Variants in DIAPH3 observed in about 807,000 individuals in gnomAD.
The protein encoded by DIAPH3 is diaphanous related formin 3.
Under a neutral mutation model 144.3 loss-of-function variants are expected in DIAPH3, and 117 were observed. The observed-to-expected ratio is 0.81, with a 90% CI of 0.70 to 0.95. The LOEUF is 0.95. DIAPH3 is among the 40% of genes least tolerant of loss of function. DIAPH3 has a pLI of 0.00. For synonymous variants in DIAPH3, 519 were observed against 488.9 expected (o/e 1.06, Z -0.81); for missense variants, 1,421 against 1,412.7 (o/e 1.01, Z -0.09).
At chr13:59,878,212 G>T (rs1442740066) in intron 21 of DIAPH3, among the ~76,000 whole-genome samples, 1 of 152,128 alleles carries the variant, frequency 6.6e-6, no homozygotes, top group Non-Finnish European at 1.5e-5. Context: ...TTTAGGAATT[G>T]CATCGCCCAT....
intron 27 of DIAPH3, among the ~76,000 whole-genome samples, chr13:59,703,424 A>T (rs1242890468): frequency 1.3e-5 from 2 of 152,222 alleles, no homozygotes; most frequent in Non-Finnish European, 2.9e-5. Flanking sequence ...CATGTCCATT[A>T]TACTTTTTTC....
At chr13:59,916,343 T>A (rs144173997) in intron 18 of DIAPH3, 94 bp from the exon 19 acceptor site, 7 of 965,016 alleles carry the variant, frequency 7.3e-6, no homozygotes, top group Middle Eastern at 4.9e-4. Context: ...AATAAATTCA[T>A]AAAACAAGAG....
At chr13:59,800,427 G>A (rs372831140) in intron 25 of DIAPH3, among the ~76,000 whole-genome samples, 2 of 152,148 alleles carry the variant, frequency 1.3e-5, no homozygotes, top group Non-Finnish European at 2.9e-5. Context: ...CACTCCTTCC[G>A]AAGATTTCCC....
intron 22 of DIAPH3, 68 bp downstream of exon 22, chr13:59,861,339 A>C: frequency 1.2e-6 from 2 of 1,611,296 alleles, no homozygotes; most frequent in Non-Finnish European, 1.7e-6. Flanking sequence ...TACAAATAAA[A>C]GGTATAATTT....
intron 2 of DIAPH3, among the ~76,000 whole-genome samples, chr13:60,122,303 C>T (rs1178284273): frequency 1.3e-5 from 2 of 152,152 alleles, no homozygotes; most frequent in African/African-American, 2.4e-5. Context: ...CTAATTTCAA[C>T]TCAATCTTCA....
chr13:60,084,019 TAGA>T (rs1566751884), intron 4 of DIAPH3, among the ~76,000 whole-genome samples: 5 of 148,090 alleles, frequency 3.4e-5, no homozygotes, highest in Non-Finnish European at 7.5e-5. Flanking sequence ...GATAGATAGA[TAGA>T]TAGATAGATA....
At chr13:59,828,751 C>A (rs1405078441) in intron 24 of DIAPH3, among the ~76,000 whole-genome samples, 1 of 151,522 alleles carries the variant, frequency 6.6e-6, no homozygotes, top group Non-Finnish European at 1.5e-5. Flanking sequence ...TTCTGTTGAT[C>A]ATGGTAACAA....
intron 5 of DIAPH3, 75 bp from the exon 6 acceptor site, chr13:60,016,220 AT>A: frequency 3.1e-6 from 4 of 1,293,876 alleles, no homozygotes; most frequent in Non-Finnish European, 3.3e-6. Context: ...ACCTACAAGT[AT>A]TTTATATTTG....
chr13:59,701,526 A>C (rs191167853), intron 27 of DIAPH3, among the ~76,000 whole-genome samples: 5 of 152,218 alleles, frequency 3.3e-5, no homozygotes, highest in African/African-American at 7.2e-5. Flanking sequence ...AGCACGTCAT[A>C]TAGGTCAGAG....
At chr13:59,738,158 AT>A (rs1390993829) in intron 27 of DIAPH3, among the ~76,000 whole-genome samples, 7 of 152,034 alleles carry the variant, frequency 4.6e-5, no homozygotes, top group Non-Finnish European at 1.0e-4. Flanking sequence ...CAGAGAGAGA[AT>A]CCATCTCAAA....
rs193198941 is a variant in DIAPH3, at chr13:59,666,862, A to G, written c.3320-16T>C. 3.2e-4 allele frequency: 510 copies of G among 1,614,078 alleles called. 4 individuals are homozygous for G. The East Asian group carries it at 5.6e-3, about 18-fold the overall frequency. On this transcript the variant is annotated splice_polypyrimidine_tract_variant and intron_variant, in intron 27 of 27. Transcript: ENST00000400324. ...TTCTGATTTTCTACAGTAAGGAAAA[A>G]AGAAACATAAAACTTATCACCATGA...
At chr13:59,750,079 T>G (rs1027200126) in intron 27 of DIAPH3, among the ~76,000 whole-genome samples, 3 of 152,166 alleles carry the variant, frequency 2.0e-5, no homozygotes, top group Middle Eastern at 6.8e-3. Context: ...ATTACTGATT[T>G]TGACTCTCTC....
intron 27 of DIAPH3, among the ~76,000 whole-genome samples, chr13:59,678,662 C>G (rs996988503): frequency 6.6e-6 from 1 of 152,090 alleles, no homozygotes; most frequent in Non-Finnish European, 1.5e-5. Context: ...AACATCTGTT[C>G]GTTTAAATTC....
chr13:59,945,975 G>T (rs1478770782), intron 17 of DIAPH3, among the ~76,000 whole-genome samples: 2 of 152,180 alleles, frequency 1.3e-5, no homozygotes, highest in Non-Finnish European at 2.9e-5. Flanking sequence ...ATTACTGAAA[G>T]CTTATACATT....
intron 27 of DIAPH3, among the ~76,000 whole-genome samples, chr13:59,672,057 GTATATATATGTGAATA>G (rs1320487448): frequency 6.6e-6 from 1 of 152,160 alleles, no homozygotes; most frequent in African/African-American, 2.4e-5. Context: ...AAAGAATTAT[GTATATATATGTGAATA>G]TATGCAACTT....
intron 1 of DIAPH3, among the ~76,000 whole-genome samples, chr13:60,145,575 A>T (rs1951472120): frequency 6.6e-6 from 1 of 152,190 alleles, no homozygotes; most frequent in African/African-American, 2.4e-5. Flanking sequence ...ACGTGAACTC[A>T]GAGGCGGAGC....
At chr13:59,801,965 C>T (rs915045801) in intron 25 of DIAPH3, among the ~76,000 whole-genome samples, 1 of 151,202 alleles carries the variant, frequency 6.6e-6, no homozygotes, top group African/African-American at 2.4e-5. Flanking sequence ...TGTTTTTTTT[C>T]CCCCTCTTTG....
At chr13:60,024,058 T>C (rs2054220019) in intron 5 of DIAPH3, among the ~76,000 whole-genome samples, 1 of 151,600 alleles carries the variant, frequency 6.6e-6, no homozygotes, top group African/African-American at 2.4e-5. Flanking sequence ...TTTCACCATG[T>C]TGGCCAGGCT....
chr13:60,017,520 C>T (rs1377740052), intron 5 of DIAPH3, among the ~76,000 whole-genome samples: 1 of 151,824 alleles, frequency 6.6e-6, no homozygotes, highest in Non-Finnish European at 1.5e-5. Context: ...TACAACATTT[C>T]CAGTGAAAAG....
Sources: allele counts gnomAD v4.1 joint callset (sites outside exome capture counted in the v4.1 genomes callset), GRCh38; gene constraint gnomAD v4.1.1; transcripts MANE v1.5; gene names NCBI Gene and HGNC (gene_info 2026-07-23, HGNC 2026-07-21).